Variants in PCDHGA3 observed in about 807,000 individuals in gnomAD.
The protein encoded by PCDHGA3 is protocadherin gamma-A3.
In PCDHGA3, 40 loss-of-function variants were observed where a neutral mutation model predicts 58.5. The observed-to-expected ratio is 0.68, with a 90% CI of 0.53 to 0.89. The LOEUF (loss-of-function observed/expected upper bound fraction) is 0.89. Among genes scored for constraint, PCDHGA3 ranks in the 40% least tolerant of loss-of-function variants. PCDHGA3 has a pLI of 0.00. For synonymous variants in PCDHGA3, 530 were observed against 525.7 expected (o/e 1.01, Z -0.11); for missense variants, 1,223 against 1,195.9 (o/e 1.02, Z -0.33).
At position 141,346,608 on chromosome 5, in the gene PCDHGA3, A is replaced by G. The variant is rs1337557506; in HGVS notation, c.2424+151A>G. The G allele has an allele frequency of 2.6e-5, 31 of 1,176,330 alleles. No individual in the cohort carries two copies. The East Asian group carries it at 7.7e-4, about 29-fold the overall frequency. The allele number at this position is 1,176,330 out of a possible 1,614,324, so 72.9% of individuals were successfully genotyped here. ...TGTCCCCCTTTCTTTCTGGGCCTAT[A>G]GTAGGACTGCACTCCCCGGTCTGGT... is the stretch of plus-strand genomic sequence containing the variant. On this transcript the variant is annotated intron_variant, in intron 1 of 3. Coordinates refer to ENST00000253812, the MANE Select transcript of PCDHGA3 (RefSeq NM_018916.4).
At chr5:141,450,627 C>G (rs947866993) in intron 1 of PCDHGA3, among the ~76,000 whole-genome samples, 1 of 151,592 alleles carries the variant, frequency 6.6e-6, no homozygotes, top group African/African-American at 2.4e-5. Context: ...GCTGGGATTA[C>G]AGATGCCTGC....
At chr5:141,484,399 CCGCTGTGTCT>C (rs1488164183) in intron 1 of PCDHGA3, among the ~76,000 whole-genome samples, 4 of 152,186 alleles carry the variant, frequency 2.6e-5, no homozygotes, top group Non-Finnish European at 4.4e-5. Context: ...GGTTTGGTTT[CCGCTGTGTCT>C]CCTGTTACAA....
In PCDHGA3 at chr5:141,362,265, A is replaced by G. The variant is rs1450907640; in HGVS notation, c.2424+15808A>G. The G allele has an allele frequency of 4.3e-6, 7 of 1,613,868 alleles. No homozygotes were observed. The Admixed American group carries it at 6.7e-5, about 15-fold the overall frequency. On this transcript the variant is annotated intron_variant, in intron 1 of 3. Transcript: ENST00000253812. ...TCTTCTTCCTCGCGGTGATTCTGGCAATCTCCCTGCGCCTGCGACTCTCTT... is the reference window on the plus strand; with the variant it reads ...TCTTCTTCCTCGCGGTGATTCTGGCGATCTCCCTGCGCCTGCGACTCTCTT...
chr5:141,455,492 T>G (rs958076901), intron 1 of PCDHGA3, among the ~76,000 whole-genome samples: 10 of 152,188 alleles, frequency 6.6e-5, no homozygotes, highest in Non-Finnish European at 1.2e-4. Context: ...GGAGGTGATG[T>G]CTGATTTGCA....
intron 1 of PCDHGA3, among the ~76,000 whole-genome samples, chr5:141,450,008 T>A (rs78952430): frequency 4.8e-4 from 18 of 37,340 alleles, no homozygotes; most frequent in African/African-American, 6.8e-4. Context: ...CCATGTCTCT[T>A]TTTTTTTTTT....
chr5:141,365,306 G>A, intron 1 of PCDHGA3: 1 of 1,613,976 alleles, frequency 6.2e-7, no homozygotes, highest in South Asian at 1.1e-5. Context: ...GGATGGAGGC[G>A]CTCTTGTTGC....
chr5:141,475,928 G>A, intron 1 of PCDHGA3: 1 of 630,590 alleles, frequency 1.6e-6, no homozygotes, highest in Non-Finnish European at 2.7e-6. Context: ...TGGAGATCGG[G>A]CCCCTGCCCG....
chr5:141,367,486 G>A (rs1765164408), intron 1 of PCDHGA3: 1 of 152,108 alleles, frequency 6.6e-6, no homozygotes, highest in African/African-American at 2.4e-5. Context: ...GCAGTAAGCC[G>A]AGATCGCGCC....
intron 2 of PCDHGA3, among the ~76,000 whole-genome samples, chr5:141,500,189 TTTATTTATTTA>T (rs1562193895): frequency 9.9e-5 from 11 of 110,956 alleles, no homozygotes; most frequent in Middle Eastern, 4.3e-3. Flanking sequence ...TTTATTTTTA[TTTATTTATTTA>T]TTTATTTATT....
intron 1 of PCDHGA3, chr5:141,402,990 T>A (rs773089843): frequency 1.6e-5 from 26 of 1,611,934 alleles, no homozygotes; most frequent in Non-Finnish European, 2.0e-5. Context: ...CGCGGAAGAT[T>A]AGTCCTGCTA....
intron 1 of PCDHGA3, among the ~76,000 whole-genome samples, chr5:141,447,542 T>G (rs980012061): frequency 1.3e-5 from 2 of 152,216 alleles, no homozygotes; most frequent in African/African-American, 4.8e-5. Context: ...TGGGTTTTAA[T>G]GTTATGAGTA....
intron 1 of PCDHGA3, chr5:141,403,224 A>G (rs753308307): frequency 2.0e-5 from 32 of 1,613,820 alleles, no homozygotes; most frequent in Non-Finnish European, 2.5e-5. Context: ...GGTAGGATAG[A>G]CCGGGAGGAG....
chr5:141,403,186 C>G, intron 1 of PCDHGA3: 2 of 1,614,012 alleles, frequency 1.2e-6, no homozygotes, highest in Non-Finnish European at 1.7e-6. Flanking sequence ...TCTCTCTGAA[C>G]CCGCGCAGCG....
rs772043134 is a variant in PCDHGA3, at chr5:141,432,746, G to A, written c.2425-62061G>A. 1.2e-6 allele frequency: 2 copies of A among 1,614,098 alleles called. No homozygotes were observed. Among genetic ancestry groups the A allele is most frequent in the East Asian group, 4.5e-5 (2 of 44,860 alleles). On this transcript the variant is annotated intron_variant, in intron 1 of 3. Coordinates refer to ENST00000253812, the MANE Select transcript of PCDHGA3 (RefSeq NM_018916.4). The surrounding 1 kb of genome is among the most constrained non-coding windows in gnomAD (Gnocchi z 6.0). ...CTCCGCCACTGTCACGCTCACCGTGGCCGTGGCCGACAGCATCCCCCAAGT... is the reference window on the plus strand; with the variant it reads ...CTCCGCCACTGTCACGCTCACCGTGACCGTGGCCGACAGCATCCCCCAAGT...
Position 141,476,443 on chromosome 5 carries a change from G to A in PCDHGA3, c.2425-18364G>A, listed in dbSNP as rs752285213. 1 of 1,614,044 alleles carries A rather than the reference G, an allele frequency of 6.2e-7. No individual in the cohort carries two copies. The highest frequency in any genetic ancestry group is 8.5e-7 in the Non-Finnish European group (1 of 1,180,038). ...TGCCCTCTTGCACTGTAACTCTGGAGTTGGTAGTGGAGAACCCGCTGGAGC... is the reference window on the plus strand; with the variant it reads ...TGCCCTCTTGCACTGTAACTCTGGAATTGGTAGTGGAGAACCCGCTGGAGC... On this transcript the variant is annotated intron_variant, in intron 1 of 3. Transcript: ENST00000253812. This position sits in a 1 kb window ranked among gnomAD's most constrained non-coding sequence, Gnocchi z 7.6.
intron 1 of PCDHGA3, chr5:141,404,458 C>A: frequency 6.2e-7 from 1 of 1,612,914 alleles, no homozygotes; most frequent in East Asian, 2.2e-5. Context: ...CTCCTCTCTC[C>A]ACCTATGTCT....
At chr5:141,385,211 C>T (rs1781001155) in intron 1 of PCDHGA3, 1 of 1,614,082 alleles carries the variant, frequency 6.2e-7, no homozygotes, top group Admixed American at 1.7e-5. Flanking sequence ...CTGATCTTCC[C>T]CCAGCCCAAC....
intron 1 of PCDHGA3, among the ~76,000 whole-genome samples, chr5:141,367,981 T>C (rs908218120): frequency 6.6e-6 from 1 of 152,212 alleles, no homozygotes; most frequent in African/African-American, 2.4e-5. Context: ...TCATCTTAAA[T>C]TAATAGATTT....
chr5:141,415,648 A>G (rs1403877896), intron 1 of PCDHGA3: 1 of 1,598,772 alleles, frequency 6.3e-7, no homozygotes, highest in African/African-American at 1.4e-5. Flanking sequence ...TGTTAAAAAA[A>G]AAAAGATTGG....
Sources: allele counts gnomAD v4.1 joint callset (sites outside exome capture counted in the v4.1 genomes callset), GRCh38; gene constraint gnomAD v4.1.1; non-coding constraint Gnocchi (gnomAD v3.1); transcripts MANE v1.5; gene names NCBI Gene and HGNC (gene_info 2026-07-23, HGNC 2026-07-21).